Variants in DCAF6 observed in about 807,000 individuals in gnomAD.
DCAF6 encodes the protein DDB1 and CUL4 associated factor 6.
A neutral mutation model predicts 125.1 loss-of-function variants in DCAF6; 54 were observed. The ratio of observed to expected loss-of-function variants is 0.43; its 90% CI spans 0.35 to 0.54. The LOEUF (loss-of-function observed/expected upper bound fraction) is 0.54, where lower values mean the gene tolerates loss of function less well. DCAF6 is among the 20% of genes least tolerant of loss of function. The pLI is 0.01. For synonymous variants in DCAF6, 371 were observed against 390.4 expected (o/e 0.95, Z 0.58); for missense variants, 934 against 1,161.7 (o/e 0.80, Z 2.85).
At chr1:167,983,782 A>C (rs992293424) in intron 4 of DCAF6, among the ~76,000 whole-genome samples, 4 of 152,122 alleles carry the variant, frequency 2.6e-5, no homozygotes, top group African/African-American at 7.2e-5. Context: ...ACCTAGTATT[A>C]CTGCCTCAAG....
At chr1:167,926,097 T>G in the DCAF6 span, among the ~76,000 whole-genome samples, 4 of 152,254 alleles carry the variant, frequency 2.6e-5, no homozygotes, top group African/African-American at 9.6e-5. Flanking sequence ...CTTGTGGGAC[T>G]ACTCAGCCCA....
At chr1:167,882,136 A>C in the DCAF6 span, among the ~76,000 whole-genome samples, 1 of 152,238 alleles carries the variant, frequency 6.6e-6, no homozygotes, top group African/African-American at 2.4e-5. Context: ...ATCAATTCTC[A>C]CATATGCATC....
At chr1:167,893,960 G>A in the DCAF6 span, 13 of 1,597,054 alleles carry the variant, frequency 8.1e-6, no homozygotes, top group Non-Finnish European at 1.0e-5. Flanking sequence ...GCAGAAGGAG[G>A]GTGCAGGCTC....
intron 12 of DCAF6, among the ~76,000 whole-genome samples, chr1:168,035,034 C>A (rs947111983): frequency 2.6e-5 from 4 of 152,056 alleles, no homozygotes; most frequent in African/African-American, 9.7e-5. Context: ...AATCCTAATT[C>A]CTGAGAAAAT....
upstream of DCAF6, among the ~76,000 whole-genome samples, chr1:167,931,743 A>G (rs1670917511): frequency 1.3e-5 from 2 of 152,108 alleles, no homozygotes; most frequent in Non-Finnish European, 2.9e-5. Flanking sequence ...ATTTGCACTA[A>G]GTTGTATTTA....
chr1:167,949,015 CATTT>C (rs1439341359), intron 1 of DCAF6, among the ~76,000 whole-genome samples: 2 of 152,224 alleles, frequency 1.3e-5, no homozygotes, highest in African/African-American at 4.8e-5. Context: ...TGATCCCAGT[CATTT>C]ATTCACTGAT....
At chr1:168,014,301 A>G (rs561055458) in intron 10 of DCAF6, among the ~76,000 whole-genome samples, 1 of 152,196 alleles carries the variant, frequency 6.6e-6, no homozygotes, top group Non-Finnish European at 1.5e-5. Context: ...AGCATTTCAC[A>G]CAACTGCTTA....
intron 7 of DCAF6, among the ~76,000 whole-genome samples, chr1:167,994,093 A>G (rs918063468): frequency 1.1e-4 from 16 of 152,010 alleles, no homozygotes; most frequent in Non-Finnish European, 1.5e-5. Context: ...GTAAATAATT[A>G]CTAGCGTCTA....
chr1:168,048,335 T>C (rs1689396507), intron 16 of DCAF6, among the ~76,000 whole-genome samples: 1 of 152,204 alleles, frequency 6.6e-6, no homozygotes. Flanking sequence ...TACAAGTGTA[T>C]ACTTAATTTG....
the DCAF6 span, chr1:167,917,675 A>C: frequency 1.3e-5 from 2 of 152,104 alleles, no homozygotes; most frequent in African/African-American, 4.8e-5. Context: ...CTGAATATAG[A>C]GTATTTTCTG....
intron 10 of DCAF6, among the ~76,000 whole-genome samples, chr1:168,009,659 C>G (rs1022579215): frequency 1.3e-5 from 2 of 151,650 alleles, no homozygotes; most frequent in Non-Finnish European, 2.9e-5. Flanking sequence ...CTTGGGAAGC[C>G]CTTGTCCTGG....
intron 5 of DCAF6, among the ~76,000 whole-genome samples, chr1:167,990,015 C>T (rs970343476): frequency 2.6e-5 from 4 of 151,988 alleles, no homozygotes; most frequent in Non-Finnish European, 4.4e-5. Context: ...TATAGTAAGA[C>T]CTGTCTTTTG....
chr1:167,886,914 A>T, the DCAF6 span, among the ~76,000 whole-genome samples: 3 of 152,264 alleles, frequency 2.0e-5, no homozygotes, highest in African/African-American at 7.2e-5. Flanking sequence ...TCAAAAGAAG[A>T]CATTTATGCA....
intron 11 of DCAF6, among the ~76,000 whole-genome samples, chr1:168,020,361 A>C (rs971395433): frequency 8.5e-5 from 13 of 152,190 alleles, no homozygotes; most frequent in Non-Finnish European, 1.2e-4. Context: ...TACCTGTTAG[A>C]CTATAATTGT....
chr1:167,995,683 A>C (rs1383680401), intron 7 of DCAF6, among the ~76,000 whole-genome samples: 1 of 140,108 alleles, frequency 7.1e-6, no homozygotes, highest in Non-Finnish European at 1.5e-5. Flanking sequence ...CAGTCTCAGA[A>C]AAAAAAAAAA....
the DCAF6 span, chr1:167,878,774 A>C: frequency 2.8e-5 from 24 of 867,436 alleles, no homozygotes; most frequent in Middle Eastern, 3.5e-4. Flanking sequence ...GCCTAGTCTC[A>C]AGACCCATAT....
At chr1:167,950,143 A>G (rs1178325650) in intron 1 of DCAF6, among the ~76,000 whole-genome samples, 2 of 150,830 alleles carry the variant, frequency 1.3e-5, no homozygotes, top group Non-Finnish European at 2.9e-5. Context: ...GGCTAGAGCC[A>G]TGTTTCAAAC....
At chr1:168,034,138 ATAGT>A (rs1250506700) in intron 12 of DCAF6, among the ~76,000 whole-genome samples, 1 of 152,248 alleles carries the variant, frequency 6.6e-6, no homozygotes, top group Non-Finnish European at 1.5e-5. Flanking sequence ...CTTAATTAAA[ATAGT>A]TACTTATCTA....
chr1:167,954,930 C>T (rs985274510), intron 2 of DCAF6, among the ~76,000 whole-genome samples: 4 of 152,200 alleles, frequency 2.6e-5, no homozygotes, highest in African/African-American at 7.2e-5. Context: ...TTACACATCA[C>T]CCTCAACCCC....
Sources: allele counts gnomAD v4.1 joint callset (sites outside exome capture counted in the v4.1 genomes callset), GRCh38; gene constraint gnomAD v4.1.1; transcripts MANE v1.5; gene names NCBI Gene and HGNC (gene_info 2026-07-23, HGNC 2026-07-21).